The following SGCZ variants were observed in gnomAD, a reference collection of about 807,000 sequenced individuals.
The protein encoded by SGCZ is zeta-sarcoglycan.
Under a neutral mutation model 41.3 loss-of-function variants are expected in SGCZ, and 40 were observed. The observed-to-expected ratio is 0.97, with a 90% CI of 0.75 to 1.26. The LOEUF (loss-of-function observed/expected upper bound fraction) is 1.26, where lower values mean the gene tolerates loss of function less well. Ranked by LOEUF, SGCZ falls within the 50% of genes most tolerant of loss-of-function variation. The probability of loss-of-function intolerance (pLI) is 0.00; values close to 1 mark genes in which losing one functional copy is unlikely to be tolerated. For missense variants in SGCZ, 552 were observed against 369.8 expected (o/e 1.49, Z -4.04); for synonymous variants, 206 against 137.5 (o/e 1.50, Z -3.49).
chr8:14,107,864 A>T (rs1447950034), intron 6 of SGCZ, among the ~76,000 whole-genome samples: 1 of 151,954 alleles, frequency 6.6e-6, no homozygotes, highest in Non-Finnish European at 1.5e-5. Context: ...CCAGGTCTTG[A>T]ACTTCTGATC....
chr8:14,537,312 T>C (rs1803326134), intron 2 of SGCZ, among the ~76,000 whole-genome samples: 1 of 151,936 alleles, frequency 6.6e-6, no homozygotes, highest in African/African-American at 2.4e-5. Flanking sequence ...TAGTGCAGTA[T>C]CATTGCATAT....
chr8:14,702,561 G>A (rs1393259586), intron 1 of SGCZ, among the ~76,000 whole-genome samples: 2 of 151,688 alleles, frequency 1.3e-5, no homozygotes, highest in Non-Finnish European at 2.9e-5. Context: ...ATTTATGTCT[G>A]GAAACAAAAT....
In SGCZ at chr8:14,583,780, A is replaced by G. The variant is rs536133857; in HGVS notation, c.40-28854T>C. Among the ~76,000 whole-genome samples, 3 of 152,238 alleles carry G rather than the reference A, an allele frequency of 2.0e-5. No individual in the cohort carries two copies. The East Asian group carries it at 5.8e-4, about 29-fold the overall frequency. On this transcript the variant is annotated intron_variant, in intron 1 of 7. Coordinates refer to ENST00000382080, the MANE Select transcript of SGCZ (RefSeq NM_139167.4). The stretch of plus-strand genomic sequence containing the variant: ...TTATTTATCAATAAGCATGCCAATC[A>G]TCTATATGATATTCAATTTTATTCA...
At chr8:14,997,194 T>C (rs1428529123) in intron 1 of SGCZ, among the ~76,000 whole-genome samples, 1 of 152,242 alleles carries the variant, frequency 6.6e-6, no homozygotes, top group East Asian at 1.9e-4. Context: ...TTCTCAGTGT[T>C]ATATTTACAT....
At chr8:14,445,958 G>A (rs1392787324) in intron 2 of SGCZ, among the ~76,000 whole-genome samples, 1 of 152,124 alleles carries the variant, frequency 6.6e-6, no homozygotes, top group Non-Finnish European at 1.5e-5. Flanking sequence ...TGGAGTGGCT[G>A]GCCAGATCCC....
intron 4 of SGCZ, among the ~76,000 whole-genome samples, chr8:14,187,263 A>T (rs1033042011): frequency 6.6e-6 from 1 of 152,202 alleles, no homozygotes; most frequent in African/African-American, 2.4e-5. Context: ...GATTTCTCAA[A>T]ATATGTTACC....
chr8:14,801,037 G>A (rs1425347889), intron 1 of SGCZ, among the ~76,000 whole-genome samples: 1 of 152,192 alleles, frequency 6.6e-6, no homozygotes, highest in Admixed American at 6.6e-5. Context: ...TTTCAATTAT[G>A]AGTGTTTCTG....
At chr8:15,132,530 T>C (rs998677325) in intron 1 of SGCZ, among the ~76,000 whole-genome samples, 4 of 152,164 alleles carry the variant, frequency 2.6e-5, no homozygotes. Context: ...TGAAATCAGA[T>C]TTTTAAATTA....
chr8:15,210,038 A>AT (rs1801189917), intron 1 of SGCZ, among the ~76,000 whole-genome samples: 1 of 152,198 alleles, frequency 6.6e-6, no homozygotes. Flanking sequence ...CGAAAACACA[A>AT]TACTTCTTAC....
At chr8:14,409,678 C>T (rs908501150) in intron 2 of SGCZ, among the ~76,000 whole-genome samples, 1 of 152,100 alleles carries the variant, frequency 6.6e-6, no homozygotes, top group African/African-American at 2.4e-5. Context: ...ACGCTAACCA[C>T]CATATTTGTG....
intron 1 of SGCZ, among the ~76,000 whole-genome samples, chr8:14,897,187 G>A (rs1191112197): frequency 7.2e-5 from 11 of 152,130 alleles, no homozygotes; most frequent in Non-Finnish European, 1.6e-4. Flanking sequence ...AGAGAATCAT[G>A]TAAAGGTATT....
At chr8:14,989,698 A>G (rs1393714468) in intron 1 of SGCZ, among the ~76,000 whole-genome samples, 1 of 152,182 alleles carries the variant, frequency 6.6e-6, no homozygotes, top group African/African-American at 2.4e-5. Flanking sequence ...TCACTTGTCA[A>G]GGTTAGCTTT....
intron 5 of SGCZ, among the ~76,000 whole-genome samples, chr8:14,122,311 G>C (rs371203811): frequency 6.6e-6 from 1 of 152,058 alleles, no homozygotes. Flanking sequence ...ACTTTAAGGA[G>C]CTATGGTGAT....
intron 5 of SGCZ, among the ~76,000 whole-genome samples, chr8:14,164,178 A>C (rs546283647): frequency 6.6e-6 from 1 of 152,272 alleles, no homozygotes; most frequent in Admixed American, 6.5e-5. Flanking sequence ...GTTTACTTTT[A>C]TTATAACTTC....
intron 1 of SGCZ, among the ~76,000 whole-genome samples, chr8:15,054,580 C>T (rs988245993): frequency 6.6e-6 from 1 of 152,048 alleles, no homozygotes; most frequent in Non-Finnish European, 1.5e-5. Context: ...AACATGCTGG[C>T]GTTGTATTAA....
At chr8:14,095,402 T>C (rs1458771446) in intron 7 of SGCZ, among the ~76,000 whole-genome samples, 2 of 152,196 alleles carry the variant, frequency 1.3e-5, no homozygotes, top group Non-Finnish European at 2.9e-5. Flanking sequence ...ATTGCTTGTT[T>C]TTGTCAGGTT....
chr8:14,102,632 A>G (rs2116984543), intron 6 of SGCZ, 133 bp from the exon 7 acceptor site: 4 of 824,700 alleles, frequency 4.9e-6, no homozygotes, highest in African/African-American at 1.8e-5. Context: ...GCATAAAGGA[A>G]AAGTCCTACC....
At chr8:14,610,880 C>T (rs908958291) in intron 1 of SGCZ, among the ~76,000 whole-genome samples, 8 of 152,088 alleles carry the variant, frequency 5.3e-5, no homozygotes, top group African/African-American at 1.4e-4. Context: ...GTCAAATATT[C>T]AGATAATATT....
chr8:14,232,992 G>A (rs887509873), intron 4 of SGCZ, among the ~76,000 whole-genome samples: 1 of 151,968 alleles, frequency 6.6e-6, no homozygotes, highest in Admixed American at 6.6e-5. Context: ...ACTTCTTCTT[G>A]TTTATGACAT....
Sources: gnomAD v4.1 joint callset for allele counts (sites outside exome capture counted in the v4.1 genomes callset) on GRCh38, gnomAD v4.1.1 for gene constraint, MANE v1.5 for transcripts, NCBI Gene and HGNC (gene_info 2026-07-23, HGNC 2026-07-21) for gene names.